The following DOCK5 variants were observed in gnomAD, a reference collection of about 807,000 sequenced individuals.
DOCK5 encodes dedicator of cytokinesis 5.
Under a neutral mutation model 251.8 loss-of-function variants are expected in DOCK5, and 142 were observed. That is an observed-to-expected ratio of 0.56 (90% CI 0.49 to 0.65). The LOEUF is 0.65. DOCK5 is among the 30% of genes least tolerant of loss of function. The pLI, the probability that DOCK5 is intolerant of heterozygous loss-of-function variation, is 0.00. For synonymous variants in DOCK5, 842 were observed against 835.5 expected, an observed-to-expected ratio of 1.01 and a Z score of -0.13; for missense variants, 2,111 against 2,312.3, an observed-to-expected ratio of 0.91 and a Z score of 1.79.
intron 2 of DOCK5, among the ~76,000 whole-genome samples, chr8:25,252,646 C>T (rs1044311107): frequency 6.6e-6 from 1 of 152,160 alleles, no homozygotes; most frequent in Non-Finnish European, 1.5e-5. Context: ...CTGCTGGTGA[C>T]ATATGTTCCT....
At chr8:25,371,337 G>GGAT (rs1279985525) in intron 34 of DOCK5, among the ~76,000 whole-genome samples, 1 of 152,166 alleles carries the variant, frequency 6.6e-6, no homozygotes, top group African/African-American at 2.4e-5. Context: ...CCACCGTGAT[G>GGAT]GATGCCTGTA....
Position 25,411,372 on chromosome 8 carries a change from T to G in DOCK5, c.*74T>G. 7.4e-7 allele frequency: 1 copy of G among 1,359,272 alleles called. No individual in the cohort carries two copies. Among genetic ancestry groups the G allele is most frequent in the Non-Finnish European group, 9.5e-7 (1 of 1,051,294 alleles). The allele number at this position is 1,359,272 out of a possible 1,614,324, so 84.2% of individuals were successfully genotyped here. ...GAGAACTGGCCTCCAGCCGGTGTCC[T>G]CATTCCATGGGGCTCCCTGCTGACT... On this transcript the variant is annotated 3_prime_UTR_variant, in exon 52 of 52. Transcript: ENST00000276440.
At position 25,408,891 on chromosome 8, in the gene DOCK5, A is replaced by C; in HGVS notation, c.5355A>C (p.Ser1785=). The C allele has an allele frequency of 6.2e-7, 1 of 1,613,936 alleles. No homozygotes were observed. The highest frequency in any genetic ancestry group is 1.1e-5 in the South Asian group (1 of 91,086). Residue 1785 remains serine (S), a synonymous_variant, in exon 50 of 52, where the codon TCA becomes TCC. Transcript: ENST00000276440. ...TTCACGGTTCTTCACCTCCTCAGTCAACACCCTTGAGCCCACCTCCACTCA... is the reference window on the plus strand; with the variant it reads ...TTCACGGTTCTTCACCTCCTCAGTCCACACCCTTGAGCCCACCTCCACTCA... ...SPFHGSSPPQ[S]TPLSPPPLTP...
chr8:25,340,431 A>C (rs1805924131), intron 22 of DOCK5, among the ~76,000 whole-genome samples: 1 of 152,218 alleles, frequency 6.6e-6, no homozygotes, highest in Non-Finnish European at 1.5e-5. Context: ...GTGCATATGC[A>C]CTTTCATTTG....
At chr8:25,293,732 G>A (rs891159746) in intron 6 of DOCK5, among the ~76,000 whole-genome samples, 1 of 152,172 alleles carries the variant, frequency 6.6e-6, no homozygotes, top group African/African-American at 2.4e-5. Flanking sequence ...GGCCAGGTGA[G>A]GTTGCTCATG....
intron 2 of DOCK5, among the ~76,000 whole-genome samples, chr8:25,255,957 A>G (rs1034199576): frequency 6.6e-6 from 1 of 152,230 alleles, no homozygotes; most frequent in Non-Finnish European, 1.5e-5. Flanking sequence ...TTCAACAGAA[A>G]TGGTCATAGT....
At chr8:25,316,043 T>C (rs887179189) in intron 13 of DOCK5, among the ~76,000 whole-genome samples, 3 of 152,212 alleles carry the variant, frequency 2.0e-5, no homozygotes, top group African/African-American at 7.2e-5. Flanking sequence ...TTTATGTACC[T>C]CAATAACATT....
chr8:25,315,744 T>G (rs1805229951), intron 13 of DOCK5, among the ~76,000 whole-genome samples: 1 of 152,258 alleles, frequency 6.6e-6, no homozygotes, highest in African/African-American at 2.4e-5. Context: ...CATTTTCAGT[T>G]TCTCCATTGA....
In DOCK5 at chr8:25,391,967, A is replaced by G. The variant is rs370518849; in HGVS notation, c.4427A>G (p.Asp1476Gly). The change falls in exon 43 of 52, where the codon GAC (aspartate) becomes GGC (glycine). Residue 1476 changes from aspartate to glycine, a missense_variant. Asp to Gly is a moderately conservative substitution (Grantham distance 94). Around this residue, in one of 3 missense-constraint regions of DOCK5, gnomAD observed 1,717 missense variants for 1,892.4 expected, o/e 0.91. Transcript: ENST00000276440. ...TTCCGGAAAGGAGAAAAGGATCCAG[A>G]CAATGAATTTGCTGTGAGTTCACCC... ...RPFRKGEKDP[D>G]NEFATMWIER... The G allele has an allele frequency of 6.2e-6, 10 of 1,613,668 alleles. No homozygotes were observed. The highest frequency in any genetic ancestry group is 8.5e-6 in the Non-Finnish European group (10 of 1,179,804).
At chr8:25,389,009 G>A (rs1266601031) in intron 40 of DOCK5, 82 bp from the exon 41 acceptor site, 1 of 1,394,654 alleles carries the variant, frequency 7.2e-7, no homozygotes, top group East Asian at 2.4e-5. Context: ...GGGGAGTGCA[G>A]TGGCTACCTC....
At chr8:25,356,155 G>A (rs1167169520) in intron 27 of DOCK5, among the ~76,000 whole-genome samples, 4 of 152,030 alleles carry the variant, frequency 2.6e-5, no homozygotes, top group African/African-American at 4.8e-5. Context: ...AGCTGAGATC[G>A]CGCCACTGCA....
intron 1 of DOCK5, among the ~76,000 whole-genome samples, chr8:25,219,634 C>T (rs1586237669): frequency 6.6e-6 from 1 of 152,040 alleles, no homozygotes; most frequent in Admixed American, 6.6e-5. Flanking sequence ...TGACAGTTTG[C>T]ACATAGAACT....
At chr8:25,287,411 G>C in intron 5 of DOCK5, among the ~76,000 whole-genome samples, 1 of 151,938 alleles carries the variant, frequency 6.6e-6, no homozygotes, top group Non-Finnish European at 1.5e-5. Flanking sequence ...GGGTGACAGA[G>C]CGAGACTCCA....
chr8:25,387,479 GT>G (rs1270618880), intron 40 of DOCK5, among the ~76,000 whole-genome samples: 1 of 152,206 alleles, frequency 6.6e-6, no homozygotes, highest in African/African-American at 2.4e-5. Flanking sequence ...ACTGAATGCT[GT>G]TACTTCTGTC....
intron 8 of DOCK5, 64 bp downstream of exon 8, chr8:25,299,165 T>A (rs1157538609): frequency 6.5e-7 from 1 of 1,544,542 alleles, no homozygotes; most frequent in Non-Finnish European, 8.7e-7. Flanking sequence ...CCCTGACCCC[T>A]ACCCGGGCAG....
At chr8:25,380,198 A>G (rs754703323) in intron 38 of DOCK5, 107 bp from the exon 39 acceptor site, 98 of 930,280 alleles carry the variant, frequency 1.1e-4, no homozygotes, top group Non-Finnish European at 1.5e-4. Context: ...CCGAAACTCA[A>G]TCCCCCAGAC....
At chr8:25,186,865 T>G (rs182033165) in intron 1 of DOCK5, among the ~76,000 whole-genome samples, 117 of 152,254 alleles carry the variant, frequency 7.7e-4, no homozygotes, top group Non-Finnish European at 7.3e-5. Flanking sequence ...TATTTTGTTT[T>G]TATGTTCTGG....
At chr8:25,358,865 CAGTGGGTGGGAAAAGCCA>C in intron 27 of DOCK5, 80 bp from the exon 28 acceptor site, 1 of 993,512 alleles carries the variant, frequency 1.0e-6, no homozygotes, top group Non-Finnish European at 1.6e-6. Context: ...CTGCGTGGCT[CAGTGGGTGGGAAAAGCCA>C]AGTTCATGGG....
At position 25,212,602 on chromosome 8, in the gene DOCK5, CA is replaced by C. The variant is rs544459989; in HGVS notation, c.43+27652del. Among the ~76,000 whole-genome samples the C allele has an allele frequency of 6.0e-4, 43 of 71,602 alleles. 12 individuals carry two copies. The East Asian group carries it at 0.013, about 22-fold the overall frequency. The allele number at this position is 71,602 out of a possible 152,430, so 47.0% of individuals were successfully genotyped here. Reference sequence around the variant, plus strand: ...TGCTCAAAACATCTGGATCCCATTTCACTTGCGAAGTCTGTTTTGAAAGGAA... The same window carrying C: ...TGCTCAAAACATCTGGATCCCATTTCCTTGCGAAGTCTGTTTTGAAAGGAA... On this transcript the variant is annotated intron_variant, in intron 1 of 51. Coordinates refer to ENST00000276440, the MANE Select transcript of DOCK5 (RefSeq NM_024940.8).
Sources: allele counts gnomAD v4.1 joint callset (sites outside exome capture counted in the v4.1 genomes callset), GRCh38; gene constraint gnomAD v4.1.1; regional missense constraint gnomAD v4.1.1; transcripts MANE v1.5; gene names NCBI Gene and HGNC (gene_info 2026-07-23, HGNC 2026-07-21).